Variants in IRAG2 observed in about 807,000 individuals in gnomAD.
The protein encoded by IRAG2 is inositol 1,4,5-triphosphate receptor associated 2.
IRAG2 carries 45 observed loss-of-function variants against 69.9 expected under a neutral mutation model. That is an observed-to-expected ratio of 0.64 (90% CI 0.51 to 0.83). IRAG2 has a LOEUF of 0.83. IRAG2 is among the 40% of genes least tolerant of loss of function. IRAG2 has a pLI of 0.00. For synonymous variants in IRAG2, 193 were observed against 202.4 expected, an observed-to-expected ratio of 0.95 and a Z score of 0.40; for missense variants, 520 against 587.0, an observed-to-expected ratio of 0.89 and a Z score of 1.18.
intron 9 of IRAG2, among the ~76,000 whole-genome samples, chr12:25,028,043 G>A (rs1024984322): frequency 5.3e-5 from 8 of 152,154 alleles, no homozygotes; most frequent in Non-Finnish European, 8.8e-5. Flanking sequence ...TCCTGCCTCA[G>A]CCTCCTGAGT....
intron 16 of IRAG2, among the ~76,000 whole-genome samples, chr12:25,044,936 C>T (rs976167177): frequency 1.7e-4 from 26 of 152,018 alleles, no homozygotes; most frequent in African/African-American, 6.3e-4. Flanking sequence ...AACATTCTGC[C>T]CAACTGCAGT....
intron 14 of IRAG2, among the ~76,000 whole-genome samples, chr12:25,094,807 A>C (rs1247533117): frequency 1.3e-5 from 2 of 151,948 alleles, no homozygotes; most frequent in African/African-American, 4.8e-5. Flanking sequence ...TGTTAGGTTT[A>C]TTCCTCAGTA....
intron 2 of IRAG2, among the ~76,000 whole-genome samples, chr12:25,062,169 A>G (rs1945674369): frequency 6.6e-6 from 1 of 152,194 alleles, no homozygotes; most frequent in Non-Finnish European, 1.5e-5. Flanking sequence ...TTGTTCAGAA[A>G]TGAAGAACAT....
At chr12:25,047,653 G>A (rs7136229), upstream of IRAG2, among the ~76,000 whole-genome samples, 121,409 of 151,890 alleles carry the variant, frequency 0.8, 49,802 homozygotes, top group South Asian at 0.9. Flanking sequence ...GGTGTTCCCC[G>A]CAATGTGTCC....
intron 14 of IRAG2, among the ~76,000 whole-genome samples, chr12:25,092,433 G>A (rs1948127603): frequency 6.7e-6 from 1 of 149,542 alleles, no homozygotes; most frequent in African/African-American, 2.5e-5. Flanking sequence ...GGCATAGTGG[G>A]ACACACCTGT....
chr12:25,022,983 A>G (rs1412738403), intron 7 of IRAG2, among the ~76,000 whole-genome samples: 1 of 152,160 alleles, frequency 6.6e-6, no homozygotes, highest in African/African-American at 2.4e-5. Context: ...AAAAGTAGCC[A>G]GGTGTGGTGG....
intron 20 of IRAG2, among the ~76,000 whole-genome samples, chr12:25,105,768 C>T (rs1031415545): frequency 2.0e-5 from 3 of 152,070 alleles, no homozygotes; most frequent in Non-Finnish European, 4.4e-5. Flanking sequence ...TACAGAAATG[C>T]AATGCAATTT....
intron 7 of IRAG2, among the ~76,000 whole-genome samples, chr12:25,023,475 G>T (rs1009858711): frequency 6.6e-6 from 1 of 152,042 alleles, no homozygotes. Flanking sequence ...CATATGTTGT[G>T]ATGATGTTGC....
chr12:25,059,113 C>T (rs1236620809), intron 1 of IRAG2, among the ~76,000 whole-genome samples: 3 of 152,150 alleles, frequency 2.0e-5, no homozygotes, highest in Non-Finnish European at 2.9e-5. Context: ...AACACGGCTT[C>T]ATTGGCAATT....
At chr12:25,007,775 G>T (rs1944444129) in intron 2 of IRAG2, among the ~76,000 whole-genome samples, 1 of 152,122 alleles carries the variant, frequency 6.6e-6, no homozygotes, top group Admixed American at 6.5e-5. Context: ...ACTCACCTCG[G>T]CTTCCCAAAG....
In IRAG2 at chr12:25,028,987, TC is replaced by T. The variant is rs148974662; in HGVS notation, c.1462-1289del. ...ATCATAGTTCACTGCAGCCTTGAAC[TC>T]CTGGGTTCAAGTGATCTTCCCATCA... On this transcript the variant is annotated intron_variant, in intron 9 of 38. Coordinates refer to the IRAG2 transcript ENST00000636465. Among the ~76,000 whole-genome samples the T allele has an allele frequency of 4.5e-3, 688 of 152,364 alleles. 5 individuals carry two copies. Among genetic ancestry groups the T allele is most frequent in the African/African-American group, 0.016 (663 of 41,592 alleles).
chr12:25,059,437 C>T (rs1259305780), intron 1 of IRAG2, among the ~76,000 whole-genome samples: 4 of 152,088 alleles, frequency 2.6e-5, no homozygotes, highest in Non-Finnish European at 2.9e-5. Flanking sequence ...CTGCAACCTC[C>T]GCCTCCCGGG....
intron 4 of IRAG2, among the ~76,000 whole-genome samples, chr12:25,065,222 A>G (rs988032237): frequency 6.6e-6 from 1 of 152,238 alleles, no homozygotes; most frequent in Non-Finnish European, 1.5e-5. Context: ...TTACCATTCA[A>G]AAGATAAGGA....
At chr12:25,031,065 C>A in intron 10 of IRAG2, 1 of 985,262 alleles carries the variant, frequency 1.0e-6, no homozygotes, top group South Asian at 4.7e-5. Context: ...AGGAACACAG[C>A]CTCAGTCAAT....
rs752870593 is a variant in IRAG2, at chr12:25,102,219, G to A, written c.911G>A (p.Arg304His). The A allele has an allele frequency of 8.1e-6, 13 of 1,613,204 alleles. No homozygotes were observed. Among genetic ancestry groups the A allele is most frequent in the East Asian group, 4.5e-5 (2 of 44,800 alleles). ...TCAGATGACTGCCAAATTAAAAAACGTTCAGCTTCTCTAAACTCCAAGGTA... is the reference window on the plus strand; with the variant it reads ...TCAGATGACTGCCAAATTAAAAAACATTCAGCTTCTCTAAACTCCAAGGTA... The part of the protein sequence containing the change: ...EDDDDCQIKK[R>H]SASLNSKPSS... The change falls in exon 17 of 22, where the codon CGT (arginine) becomes CAT (histidine). Residue 304 changes from arginine to histidine, a missense_variant. Physicochemically the swap from Arg to His is conservative, Grantham distance 29. Coordinates refer to ENST00000556887, the MANE Select transcript of IRAG2 (RefSeq NM_001366544.2).
Position 25,083,495 on chromosome 12 carries a change from T to C in IRAG2, c.315+2T>C. 6.3e-7 allele frequency: 1 copy of C among 1,576,824 alleles called. No homozygotes were observed. Among genetic ancestry groups the C allele is most frequent in the Non-Finnish European group, 8.7e-7 (1 of 1,146,380 alleles). On this transcript the variant is annotated splice_donor_variant, in intron 10 of 21. Coordinates refer to ENST00000556887, the MANE Select transcript of IRAG2 (RefSeq NM_001366544.2). LOFTEE classifies it high-confidence loss of function. ...AAGGATAAAACCATATTAAATCTGG[T>C]AAGGAAATACGTATGTTCACAACAA...
chr12:25,083,551 T>C, intron 10 of IRAG2, 58 bp downstream of exon 10: 1 of 1,029,044 alleles, frequency 9.7e-7, no homozygotes, highest in Non-Finnish European at 1.5e-6. Flanking sequence ...GGTAGAACTA[T>C]CCCTCTAAAA....
chr12:25,087,627 T>C, intron 10 of IRAG2, among the ~76,000 whole-genome samples: 1 of 151,514 alleles, frequency 6.6e-6, no homozygotes, highest in Non-Finnish European at 1.5e-5. Context: ...CAATTTTATT[T>C]CCTTCTTAAC....
intron 2 of IRAG2, chr12:25,011,227 A>C: frequency 1.5e-6 from 1 of 651,568 alleles, no homozygotes; most frequent in Non-Finnish European, 2.2e-6. Context: ...TGTTCTTTAC[A>C]ATATACCATG....
Sources: allele counts gnomAD v4.1 joint callset (sites outside exome capture counted in the v4.1 genomes callset), GRCh38; gene constraint gnomAD v4.1.1; transcripts MANE v1.5; gene names NCBI Gene and HGNC (gene_info 2026-07-23, HGNC 2026-07-21).